VPS8: variants seen among roughly 807,000 people sequenced by gnomAD.
VPS8 encodes VPS8 subunit of CORVET complex.
Under a neutral mutation model 216.4 loss-of-function variants are expected in VPS8, and 129 were observed. The ratio of observed to expected loss-of-function variants is 0.60; its 90% CI spans 0.52 to 0.69. The LOEUF (loss-of-function observed/expected upper bound fraction) is 0.69, where lower values mean the gene tolerates loss of function less well. Ranked by LOEUF, VPS8 falls within the 30% of genes least tolerant of loss-of-function variation. The pLI is 0.00. For missense variants in VPS8, 1,531 were observed against 1,683.5 expected (o/e 0.91, Z 1.59); for synonymous variants, 571 against 565.4 (o/e 1.01, Z -0.14).
At chr3:184,868,354 C>A in intron 18 of VPS8, 1 of 328,210 alleles carries the variant, frequency 3.0e-6, no homozygotes. Flanking sequence ...ATTCCATAAG[C>A]TTAAGCGTGC....
intron 28 of VPS8, among the ~76,000 whole-genome samples, chr3:184,918,809 G>A (rs1175915698): frequency 1.3e-5 from 2 of 152,184 alleles, no homozygotes; most frequent in Non-Finnish European, 2.9e-5. Flanking sequence ...AGGGATGGGT[G>A]TCTATGTATG....
chr3:185,035,162 C>G (rs59272723), intron 46 of VPS8, among the ~76,000 whole-genome samples: 5 of 152,076 alleles, frequency 3.3e-5, no homozygotes, highest in African/African-American at 1.2e-4. Context: ...CAAATTCTAT[C>G]GAATTATACT....
At chr3:185,036,806 T>A (rs1212130818) in intron 46 of VPS8, among the ~76,000 whole-genome samples, 1 of 152,048 alleles carries the variant, frequency 6.6e-6, no homozygotes, top group Admixed American at 6.5e-5. Context: ...CATCTAGTAA[T>A]GTTACAGATG....
At position 184,970,306 on chromosome 3, in the gene VPS8, TA is replaced by T. The variant is rs1334681492; in HGVS notation, c.3317-1339del. ...TTCCTATGGGCTATACACAGACTAC[TA>T]AAACACAGATTCCCCTACCCACTGC... On this transcript the variant is annotated intron_variant, in intron 39 of 47. Coordinates refer to ENST00000625842, the MANE Select transcript of VPS8 (RefSeq NM_001009921.3). Among the ~76,000 whole-genome samples the T allele has an allele frequency of 2.0e-5, 3 of 152,126 alleles. No homozygotes were observed. In the East Asian group the frequency reaches 5.8e-4, roughly 29 times the overall value.
intron 22 of VPS8, among the ~76,000 whole-genome samples, chr3:184,887,528 ACATTTTATATAAGATGTGCCAAAGC>A (rs1189666854): frequency 3.3e-5 from 5 of 152,096 alleles, no homozygotes; most frequent in East Asian, 1.9e-4. Flanking sequence ...ATTATCATCC[ACATTTTATATAAGATGTGCCAAAGC>A]CAGAAAGTGA....
At chr3:184,846,611 AAGCAGGG>A (rs1723183271) in intron 8 of VPS8, among the ~76,000 whole-genome samples, 2 of 152,264 alleles carry the variant, frequency 1.3e-5, no homozygotes, top group African/African-American at 4.8e-5. Flanking sequence ...TTGGATCTCA[AAGCAGGG>A]ACTACAAAGG....
chr3:184,894,555 A>G (rs1733025143), intron 22 of VPS8, 148 bp from the exon 23 acceptor site: 4 of 452,980 alleles, frequency 8.8e-6, no homozygotes, highest in Admixed American at 3.6e-5. Context: ...AAGTTTTTGC[A>G]GTATAAAACT....
At chr3:184,888,846 C>G (rs1731794910) in intron 22 of VPS8, among the ~76,000 whole-genome samples, 1 of 152,124 alleles carries the variant, frequency 6.6e-6, no homozygotes, top group Admixed American at 6.5e-5. Flanking sequence ...ATATAGCTAT[C>G]CAATACCTGA....
At chr3:184,867,426 A>G (rs1055583685) in intron 17 of VPS8, among the ~76,000 whole-genome samples, 2 of 152,222 alleles carry the variant, frequency 1.3e-5, no homozygotes, top group Non-Finnish European at 2.9e-5. Flanking sequence ...ACATTTCTTC[A>G]TTATTAAAAT....
chr3:184,860,983 T>C (rs4686444), intron 15 of VPS8, among the ~76,000 whole-genome samples: 70,137 of 151,596 alleles, frequency 0.46, 17,312 homozygotes, highest in East Asian at 0.67. Flanking sequence ...CCATCACGCC[T>C]GGCTAATTTT....
In VPS8 at chr3:184,863,061, G is replaced by A. The variant is rs768795960; in HGVS notation, c.1389G>A (p.Gln463=). The A allele has an allele frequency of 1.9e-6, 3 of 1,613,760 alleles. No individual in the cohort carries two copies. The highest frequency in any genetic ancestry group is 2.5e-6 in the Non-Finnish European group (3 of 1,179,750). ...KSLATGGNVS[Q]ALALVGEKAC... The stretch of plus-strand genomic sequence containing the variant: ...TAGCCACTGGAGGAAATGTTAGCCA[G>A]GCACTGGTAAGGATAATCACTTATC... Residue 463 remains glutamine, a synonymous_variant, in exon 16 of 48, where the codon CAG becomes CAA. Transcript: ENST00000625842.
Position 184,920,112 on chromosome 3 carries a change from A to G in VPS8, c.2383-15A>G. 6.7e-7 allele frequency: 1 copy of G among 1,493,256 alleles called. No homozygotes were observed. The highest frequency in any genetic ancestry group is 1.4e-5 in the African/African-American group (1 of 70,634). The allele number at this position is 1,493,256 out of a possible 1,614,324, so 92.5% of individuals were successfully genotyped here. A position where few individuals can be genotyped will look rare whatever the true frequency, so the allele number is the denominator to read the frequency against. ...AAATAATAATTACTTTAAAAAATTT[A>G]TTTCTCCCTTTTAGACTTTTGAAGA... On this transcript the variant is annotated splice_polypyrimidine_tract_variant and intron_variant, in intron 28 of 47. Coordinates refer to ENST00000625842, the MANE Select transcript of VPS8 (RefSeq NM_001009921.3).
At chr3:184,990,691 A>C (rs1751776112) in intron 42 of VPS8, among the ~76,000 whole-genome samples, 1 of 152,224 alleles carries the variant, frequency 6.6e-6, no homozygotes, top group African/African-American at 2.4e-5. Flanking sequence ...TTCAAGTTTT[A>C]GGGCTTTTCT....
intron 46 of VPS8, among the ~76,000 whole-genome samples, chr3:185,026,435 G>A (rs1381155392): frequency 7.1e-6 from 1 of 141,236 alleles, no homozygotes; most frequent in African/African-American, 2.6e-5. Context: ...TTTTTGAGAT[G>A]GAGTTTCCCT....
At chr3:184,914,762 C>A (rs1000063525) in intron 26 of VPS8, among the ~76,000 whole-genome samples, 1 of 152,140 alleles carries the variant, frequency 6.6e-6, no homozygotes, top group Non-Finnish European at 1.5e-5. Flanking sequence ...CGAAAGCTCC[C>A]ACTCAGTCAC....
intron 32 of VPS8, among the ~76,000 whole-genome samples, chr3:184,929,105 A>G (rs1341367332): frequency 1.3e-5 from 2 of 152,208 alleles, no homozygotes; most frequent in African/African-American, 4.8e-5. Flanking sequence ...TCTTGAACCT[A>G]TAGTTAAAGG....
intron 1 of VPS8, among the ~76,000 whole-genome samples, chr3:184,822,643 G>A (rs965859491): frequency 6.6e-6 from 1 of 152,206 alleles, no homozygotes; most frequent in Non-Finnish European, 1.5e-5. Context: ...ATTAGATTGT[G>A]CATGTTTGTA....
chr3:184,919,833 A>C (rs1020746877), intron 28 of VPS8, among the ~76,000 whole-genome samples: 1 of 151,998 alleles, frequency 6.6e-6, no homozygotes, highest in Non-Finnish European at 1.5e-5. Context: ...ACCTCTTTTC[A>C]TTAGTGTTAT....
rs142118781 is a variant in VPS8, at chr3:184,846,995, C to T, written c.542-2076C>T. 1.8e-3 allele frequency among the ~76,000 whole-genome samples: 280 copies of T among 152,030 alleles called. 1 individual carries two copies. Among genetic ancestry groups the T allele is most frequent in the African/African-American group, 6.0e-3 (249 of 41,454 alleles). On this transcript the variant is annotated intron_variant, in intron 8 of 47. Coordinates refer to ENST00000625842, the MANE Select transcript of VPS8 (RefSeq NM_001009921.3). Reference sequence around the variant, plus strand: ...GGAAGTTTTATAATTTGGATTAAATCGAGGAAGGGTGAAAAAATTGTAAGG... The same window carrying T: ...GGAAGTTTTATAATTTGGATTAAATTGAGGAAGGGTGAAAAAATTGTAAGG...
Sources: gnomAD v4.1 joint callset for allele counts (sites outside exome capture counted in the v4.1 genomes callset) on GRCh38, gnomAD v4.1.1 for gene constraint, MANE v1.5 for transcripts, NCBI Gene and HGNC (gene_info 2026-07-23, HGNC 2026-07-21) for gene names.